Variants in HNRNPA1 observed in about 807,000 individuals in gnomAD.
The protein encoded by HNRNPA1 is heterogeneous nuclear ribonucleoprotein A1.
Under a neutral mutation model 44.4 loss-of-function variants are expected in HNRNPA1, and 7 were observed. That is an observed-to-expected ratio of 0.16 (90% CI 0.09 to 0.30). HNRNPA1 has a LOEUF of 0.30. Ranked by LOEUF, HNRNPA1 falls within the 10% of genes least tolerant of loss-of-function variation. The pLI is 1.00. For missense variants in HNRNPA1, 193 were observed against 465.8 expected, an observed-to-expected ratio of 0.41 and a Z score of 5.39; for synonymous variants, 169 against 160.6, an observed-to-expected ratio of 1.05 and a Z score of -0.40.
Position 54,283,807 on chromosome 12 carries a change from C to T in HNRNPA1, c.908-5C>T, listed in dbSNP as rs773916757. ...ACAGATAAAGGCCCTCTTTCCCATT[C>T]ATAGGAAGCAATTTTGGAGGTGGTG... On this transcript the variant is annotated splice_polypyrimidine_tract_variant and splice_region_variant and intron_variant, in intron 8 of 10. Coordinates refer to ENST00000340913, the MANE Select transcript of HNRNPA1 (RefSeq NM_031157.4). 5.6e-6 allele frequency: 9 copies of T among 1,613,564 alleles called. No individual in the cohort carries two copies. Among genetic ancestry groups the T allele is most frequent in the South Asian group, 5.5e-5 (5 of 91,070 alleles).
Position 54,286,685 on chromosome 12 carries a change from T to C in HNRNPA1, c.*2141T>C, listed in dbSNP as rs1331618569. 4.6e-5 allele frequency: 7 copies of C among 152,194 alleles called. No individual in the cohort carries two copies. The highest frequency in any genetic ancestry group is 2.0e-4 in the Admixed American group (3 of 15,280). 9.4% of individuals were successfully genotyped at this position (152,194 alleles called of 1,614,324 possible). ...AGGGAGGAGTCTGCTACTAGTCTTA[T>C]CAGCTCTTAAAAACAGAAACTCATC... On this transcript the variant is annotated 3_prime_UTR_variant, in exon 11 of 11. Transcript: ENST00000340913.
At position 54,286,481 on chromosome 12, in the gene HNRNPA1, T is replaced by C. The variant is rs1230119376; in HGVS notation, c.*1937T>C. 1.3e-5 allele frequency: 2 copies of C among 152,180 alleles called. No individual in the cohort carries two copies. Among genetic ancestry groups the C allele is most frequent in the African/African-American group, 4.8e-5 (2 of 41,434 alleles). The allele number at this position is 152,180 out of a possible 1,614,324, so 9.4% of individuals were successfully genotyped here. On this transcript the variant is annotated 3_prime_UTR_variant, in exon 11 of 11. Coordinates refer to ENST00000340913, the MANE Select transcript of HNRNPA1 (RefSeq NM_031157.4). Reference sequence around the variant, plus strand: ...GTGAGCACATTATTTGTACTGTGAATATAAATTTTTGCCCTTTTATTTATC... The same window carrying C: ...GTGAGCACATTATTTGTACTGTGAACATAAATTTTTGCCCTTTTATTTATC...
chr12:54,283,910 A>C lies in HNRNPA1; in HGVS notation c.1006A>C (p.Arg336=), dbSNP rs483353032. ...GPMKGGNFGG[R]SSGPYGGGGQ... ...CATGAAGGGAGGAAATTTTGGAGGC[A>C]GAAGCTCTGGCCCCTATGGCGGTGG... The change falls in exon 9 of 11, where the codon AGA becomes CGA. Residue 336 remains arginine (R), a synonymous_variant. Coordinates refer to ENST00000340913, the MANE Select transcript of HNRNPA1 (RefSeq NM_031157.4). 6.2e-7 allele frequency: 1 copy of C among 1,611,024 alleles called. No homozygotes were observed. The highest frequency in any genetic ancestry group is 8.5e-7 in the Non-Finnish European group (1 of 1,180,022).
rs908389175 is a variant in HNRNPA1, at chr12:54,283,743, C to T, written c.908-69C>T. On this transcript the variant is annotated intron_variant, in intron 8 of 10. Coordinates refer to ENST00000340913, the MANE Select transcript of HNRNPA1 (RefSeq NM_031157.4). ...ATAACTCAACCTTATTTTATTCTGA[C>T]TGCTAAACAGAATTGGAAACTAACA... 6.2e-6 allele frequency: 9 copies of T among 1,457,122 alleles called. No homozygotes were observed. The African/African-American group carries it at 7.0e-5, about 11-fold the overall frequency. 90.3% of individuals were successfully genotyped at this position (1,457,122 alleles called of 1,614,324 possible).
intron 8 of HNRNPA1, 94 bp from the exon 9 acceptor site, chr12:54,283,718 A>T: frequency 8.0e-7 from 1 of 1,245,286 alleles, no homozygotes; most frequent in Non-Finnish European, 1.2e-6. Context: ...AGGAAGGCTG[A>T]TAACTCAACC....
In HNRNPA1 at chr12:54,285,649, TCA is replaced by T. The variant is rs1490355795; in HGVS notation, c.*1110_*1111del. The stretch of plus-strand genomic sequence containing the variant: ...CAGTTTCCCTTTATGGCACAAGGGG[TCA>T]CACAACCTACCTAAAATGTTAATTG... On this transcript the variant is annotated 3_prime_UTR_variant, in exon 11 of 11. Transcript: ENST00000340913. 1.3e-5 allele frequency: 2 copies of T among 152,100 alleles called. No homozygotes were observed. The highest frequency in any genetic ancestry group is 2.1e-4 in the South Asian group (1 of 4,826). 9.4% of individuals were successfully genotyped at this position (152,100 alleles called of 1,614,324 possible).
chr12:54,282,621 G>T lies in HNRNPA1; in HGVS notation c.632G>T (p.Gly211Val). The T allele has an allele frequency of 6.2e-7, 1 of 1,614,050 alleles. No homozygotes were observed. Among genetic ancestry groups the T allele is most frequent in the Non-Finnish European group, 8.5e-7 (1 of 1,179,980 alleles). ...NFGGGRGGGF[G>V]GNDNFGRGGN... ...GGTGGTGGTCGTGGAGGTGGTTTCG[G>T]TGGGAATGACAACTTCGGTCGTGGA... is the stretch of plus-strand genomic sequence containing the variant. The change falls in exon 6 of 11, where the codon GGT becomes GTT. Residue 211 changes from glycine (G) to valine (V), a missense_variant. Coordinates refer to ENST00000340913, the MANE Select transcript of HNRNPA1 (RefSeq NM_031157.4).
chr12:54,283,536 G>A (rs1944213884), intron 8 of HNRNPA1, among the ~76,000 whole-genome samples: 5 of 152,104 alleles, frequency 3.3e-5, no homozygotes, highest in Admixed American at 3.3e-4. Context: ...CTGTGGCCCT[G>A]GATCCGTGAA....
chr12:54,286,307 C>A lies in HNRNPA1; in HGVS notation c.*1763C>A, dbSNP rs911542929. 1.3e-5 allele frequency: 2 copies of A among 152,144 alleles called. No individual in the cohort carries two copies. Among genetic ancestry groups the A allele is most frequent in the Non-Finnish European group, 2.9e-5 (2 of 68,034 alleles). 9.4% of individuals were successfully genotyped at this position (152,144 alleles called of 1,614,324 possible). On this transcript the variant is annotated 3_prime_UTR_variant, in exon 11 of 11. Coordinates refer to ENST00000340913, the MANE Select transcript of HNRNPA1 (RefSeq NM_031157.4). ...GGTAGGTAAGAACAGATTTTACTTA[C>A]ATCCATATAGTTACTTAAAGTCCAG...
intron 10 of HNRNPA1, 96 bp from the exon 11 acceptor site, chr12:54,284,453 A>T: frequency 1.1e-6 from 1 of 880,690 alleles, no homozygotes; most frequent in South Asian, 1.4e-5. Context: ...TAATATTCAG[A>T]TCAGCAAAAT....
chr12:54,283,547 G>T (rs1204261867), intron 8 of HNRNPA1, among the ~76,000 whole-genome samples: 1 of 152,020 alleles, frequency 6.6e-6, no homozygotes, highest in Non-Finnish European at 1.5e-5. Flanking sequence ...GATCCGTGAA[G>T]GCCTTCAAGG....
Position 54,281,729 on chromosome 12 carries a change from C to G in HNRNPA1, c.133-66C>G, listed in dbSNP as rs997469758. 7 of 1,521,532 alleles carry G rather than the reference C, an allele frequency of 4.6e-6. No homozygotes were observed. In the African/African-American group the frequency reaches 8.4e-5, roughly 18 times the overall value. 94.3% of individuals were successfully genotyped at this position (1,521,532 alleles called of 1,614,324 possible). On this transcript the variant is annotated intron_variant, in intron 2 of 10. Transcript: ENST00000340913. ...GTGTAAAGTTTCCTATTGCCCTATT[C>G]AAAGTTAAAATGACAAAAGCTTTTG... is the stretch of plus-strand genomic sequence containing the variant.
intron 1 of HNRNPA1, chr12:54,281,159 T>TTGTTGCGCGTGCGTCGG (rs1460551262): frequency 5.7e-6 from 4 of 698,216 alleles, no homozygotes; most frequent in African/African-American, 3.5e-5. Flanking sequence ...GCCCAAGCCT[T>TTGTTGCGCGTGCGTCGG]TGTTGCGCGT....
chr12:54,285,589 A>G lies in HNRNPA1; in HGVS notation c.*1045A>G, dbSNP rs1944251810. On this transcript the variant is annotated 3_prime_UTR_variant, in exon 11 of 11. Transcript: ENST00000340913. ...TTGGAGATTCAAACCATACCAATAG[A>G]AACTAAATTTTTCTACATAATTTCA... 1 of 152,184 alleles carries G rather than the reference A, an allele frequency of 6.6e-6. No homozygotes were observed. Among genetic ancestry groups the G allele is most frequent in the African/African-American group, 2.4e-5 (1 of 41,442 alleles). 9.4% of individuals were successfully genotyped at this position (152,184 alleles called of 1,614,324 possible). A position where few individuals can be genotyped will look rare whatever the true frequency, so the allele number is the denominator to read the frequency against.
In HNRNPA1 at chr12:54,283,345, A is replaced by G. The variant is rs1944209663; in HGVS notation, c.907+111A>G. The stretch of plus-strand genomic sequence containing the variant: ...TGGTACACTGCATGGTATATTAAAA[A>G]CAAATGGGCTTGCTATGCTACCTCC... On this transcript the variant is annotated intron_variant, in intron 8 of 10. Transcript: ENST00000340913. 6 of 1,245,332 alleles carry G rather than the reference A, an allele frequency of 4.8e-6. No homozygotes were observed. The Admixed American group carries it at 1.1e-4, about 23-fold the overall frequency. The allele number at this position is 1,245,332 out of a possible 1,614,324, so 77.1% of individuals were successfully genotyped here.
Position 54,280,765 on chromosome 12 carries a change from C to G in HNRNPA1, c.-43C>G, listed in dbSNP as rs1323243596. ...GCTTGCTCCTTTCTGCCCGTGGACG[C>G]CGCCGAAGAAGCATCGTTAAAGTCT... On this transcript the variant is annotated 5_prime_UTR_variant, in exon 1 of 11. Coordinates refer to ENST00000340913, the MANE Select transcript of HNRNPA1 (RefSeq NM_031157.4). 5.0e-6 allele frequency: 8 copies of G among 1,613,600 alleles called. No individual in the cohort carries two copies. The highest frequency in any genetic ancestry group is 6.8e-6 in the Non-Finnish European group (8 of 1,179,638).
At chr12:54,283,261 G>T (rs776576418) in intron 8 of HNRNPA1, 27 bp downstream of exon 8, 1 of 1,607,856 alleles carries the variant, frequency 6.2e-7, no homozygotes, top group South Asian at 1.1e-5. Context: ...CCAAGTACTT[G>T]GTGTGACAGC....
Position 54,282,535 on chromosome 12 carries a change from A to G in HNRNPA1, c.584-38A>G, listed in dbSNP as rs368629256. ...CTTAAAGGTAACTTTGAGTTACTCC[A>G]GTATGAATGATTTAATGCTTAAACT... On this transcript the variant is annotated intron_variant, in intron 5 of 10. Coordinates refer to ENST00000340913, the MANE Select transcript of HNRNPA1 (RefSeq NM_031157.4). The G allele has an allele frequency of 3.2e-5, 52 of 1,608,554 alleles. No homozygotes were observed. In the African/African-American group the frequency reaches 6.8e-4, roughly 21 times the overall value.
At chr12:54,283,339 T>C in intron 8 of HNRNPA1, 105 bp downstream of exon 8, 1 of 1,313,698 alleles carries the variant, frequency 7.6e-7, no homozygotes, top group Non-Finnish European at 1.1e-6. Context: ...GCATGGTATA[T>C]TAAAAACAAA....
Sources: gnomAD v4.1 joint callset for allele counts (sites outside exome capture counted in the v4.1 genomes callset) on GRCh38, gnomAD v4.1.1 for gene constraint, MANE v1.5 for transcripts, NCBI Gene and HGNC (gene_info 2026-07-23, HGNC 2026-07-21) for gene names.